Variants in ANKRD26 observed in about 807,000 individuals in gnomAD.
ANKRD26 encodes ankyrin repeat domain 26.
A neutral mutation model predicts 208.7 loss-of-function variants in ANKRD26; 141 were observed. The ratio of observed to expected loss-of-function variants is 0.68; its 90% CI spans 0.59 to 0.78. ANKRD26 has a LOEUF of 0.78. ANKRD26 is among the 30% of genes least tolerant of loss of function. ANKRD26 has a pLI of 0.00. For synonymous variants in ANKRD26, 636 were observed against 660.4 expected, an observed-to-expected ratio of 0.96 and a Z score of 0.57; for missense variants, 1,889 against 1,938.7, an observed-to-expected ratio of 0.97 and a Z score of 0.48.
chr10:27,032,840 G>A (rs963278342), intron 25 of ANKRD26, among the ~76,000 whole-genome samples: 2 of 149,494 alleles, frequency 1.3e-5, no homozygotes, highest in African/African-American at 4.9e-5. Context: ...AAATAAAGAA[G>A]CAAGTGTATT....
chr10:26,959,896 T>C, the ANKRD26 span, among the ~76,000 whole-genome samples: 1 of 152,194 alleles, frequency 6.6e-6, no homozygotes, highest in Admixed American at 6.5e-5. Flanking sequence ...TTGATGCGTA[T>C]ATGTTTTATG....
intron 7 of ANKRD26, among the ~76,000 whole-genome samples, chr10:27,078,577 T>A (rs1156682920): frequency 3.9e-5 from 6 of 152,194 alleles, no homozygotes; most frequent in Non-Finnish European, 7.4e-5. Context: ...ATATCCCTGA[T>A]AATACTGATT....
At chr10:26,980,556 C>T (rs969459375) in intron 5 of ANKRD26, among the ~76,000 whole-genome samples, 2 of 152,164 alleles carry the variant, frequency 1.3e-5, no homozygotes, top group African/African-American at 4.8e-5. Context: ...TTTGAAAGAC[C>T]ATCACTGGGG....
intron 11 of ANKRD26, among the ~76,000 whole-genome samples, chr10:27,065,153 C>T (rs1488647694): frequency 2.0e-5 from 3 of 152,122 alleles, no homozygotes; most frequent in African/African-American, 4.8e-5. Flanking sequence ...AATTTCACTC[C>T]CATTTTGATC....
intron 9 of ANKRD26, among the ~76,000 whole-genome samples, chr10:27,076,557 G>A (rs1208392381): frequency 6.6e-6 from 1 of 152,008 alleles, no homozygotes; most frequent in Non-Finnish European, 1.5e-5. Context: ...GAGCCACCGT[G>A]CCCAGTAGCT....
intron 5 of ANKRD26, among the ~76,000 whole-genome samples, chr10:26,993,647 C>G (rs748008065): frequency 6.6e-6 from 1 of 152,156 alleles, no homozygotes; most frequent in Non-Finnish European, 1.5e-5. Flanking sequence ...TCCCATGTGC[C>G]TTGCTCTTAA....
intron 9 of ANKRD26, among the ~76,000 whole-genome samples, chr10:27,076,369 T>C (rs1352704111): frequency 1.3e-5 from 2 of 151,810 alleles, no homozygotes; most frequent in East Asian, 3.9e-4. Flanking sequence ...TTCAAGTGAT[T>C]CTCCTGCCTC....
intron 15 of ANKRD26, among the ~76,000 whole-genome samples, chr10:27,055,877 G>A (rs1051646458): frequency 6.6e-6 from 1 of 152,132 alleles, no homozygotes; most frequent in African/African-American, 2.4e-5. Context: ...ACTAACACTT[G>A]TGAATTCAGA....
chr10:26,977,925 A>G (rs7082691), intron 5 of ANKRD26, among the ~76,000 whole-genome samples: 11,682 of 152,190 alleles, frequency 0.077, 1,443 homozygotes, highest in African/African-American at 0.26. Context: ...ACCAAAAACA[A>G]AACAAAACAA....
intron 1 of ANKRD26, 56 bp from the exon 2 acceptor site, chr10:27,093,855 A>T: frequency 7.7e-7 from 1 of 1,293,258 alleles, no homozygotes; most frequent in South Asian, 1.2e-5. Flanking sequence ...AAAACATACA[A>T]TGGTTCATAA....
intron 9 of ANKRD26, among the ~76,000 whole-genome samples, chr10:27,070,581 T>C (rs1352217657): frequency 6.6e-6 from 1 of 152,156 alleles, no homozygotes; most frequent in Non-Finnish European, 1.5e-5. Context: ...CAACTATGAA[T>C]ACTAAAGTTA....
At chr10:26,990,557 C>G, downstream of ANKRD26, among the ~76,000 whole-genome samples, 1 of 152,108 alleles carries the variant, frequency 6.6e-6, no homozygotes, top group South Asian at 2.1e-4. Context: ...TATGCACCTA[C>G]AAGCTGAGAA....
At position 27,017,666 on chromosome 10, in the gene ANKRD26, G is replaced by A; in HGVS notation, c.4342C>T (p.Gln1448Ter). Reference protein sequence around the residue: ...KTVQKKCEKLQKNKKKLEQEV... With the variant: ...KTVQKKCEKL ...TGTTCCAACTTCTTTTTATTCTTCT[G>A]TAGTTTTTCACATTTCTTTTGTACT... Residue 1448 changes from glutamine (Q) to a stop codon, truncating the protein, a stop_gained, in exon 30 of 34, where the codon CAG becomes TAG. Coordinates refer to ENST00000376087, the MANE Select transcript of ANKRD26 (RefSeq NM_014915.3). LOFTEE classifies it high-confidence loss of function. 1 of 1,613,326 alleles carries A rather than the reference G, an allele frequency of 6.2e-7. No homozygotes were observed. The highest frequency in any genetic ancestry group is 2.2e-5 in the East Asian group (1 of 44,770).
At chr10:26,991,059 G>GT (rs898078329), downstream of ANKRD26, among the ~76,000 whole-genome samples, 6 of 151,902 alleles carry the variant, frequency 3.9e-5, no homozygotes, top group Admixed American at 6.6e-5. Context: ...AAAGGAGTTT[G>GT]TTTTTTTATA....
intron 4 of ANKRD26, among the ~76,000 whole-genome samples, chr10:27,090,630 G>C (rs2056270204): frequency 2.0e-5 from 3 of 152,022 alleles, no homozygotes; most frequent in Admixed American, 2.0e-4. Flanking sequence ...TGTCTCACTG[G>C]GGTATTACAT....
intron 3 of ANKRD26, among the ~76,000 whole-genome samples, chr10:26,984,051 C>T (rs2052348434): frequency 6.6e-6 from 1 of 151,758 alleles, no homozygotes; most frequent in Non-Finnish European, 1.5e-5. Context: ...CAGCAGACGG[C>T]AGTGGCAAGA....
At chr10:27,080,910 G>A (rs1259152589) in intron 6 of ANKRD26, 2 of 985,316 alleles carry the variant, frequency 2.0e-6, no homozygotes, top group East Asian at 2.3e-4. Flanking sequence ...ACATGTCCAT[G>A]AGAAGGACAT....
At position 27,017,512 on chromosome 10, in the gene ANKRD26, A is replaced by G; in HGVS notation, c.4496T>C (p.Leu1499Pro). 2.5e-6 allele frequency: 4 copies of G among 1,613,466 alleles called. No individual in the cohort carries two copies. Among genetic ancestry groups the G allele is most frequent in the Non-Finnish European group, 3.4e-6 (4 of 1,179,782 alleles). ...TACACATAAGCTAACCTGTAAAAAT[A>G]GATTGACTTCTTTTAATTTTTCTGC... Reference protein sequence around the residue: ...EIAEKLKEVNLFLQAQAASQE... With the variant: ...EIAEKLKEVNPFLQAQAASQE... The change falls in exon 30 of 34, where the codon CTA (leucine) becomes CCA (proline). Residue 1499 changes from leucine to proline, a missense_variant. By Grantham distance (98) the Leu-to-Pro change is moderately conservative. This residue lies in a region of ANKRD26 where 613 missense variants were observed against 648.2 expected (regional missense o/e 0.95). Coordinates refer to ENST00000376087, the MANE Select transcript of ANKRD26 (RefSeq NM_014915.3).
At position 27,038,002 on chromosome 10, in the gene ANKRD26, C is replaced by T. The variant is rs1179814530; in HGVS notation, c.2428G>A (p.Glu810Lys). 3.1e-6 allele frequency: 5 copies of T among 1,612,234 alleles called. No individual in the cohort carries two copies. The Admixed American group carries it at 8.3e-5, about 27-fold the overall frequency. The change falls in exon 22 of 34, where the codon GAA becomes AAA. Residue 810 changes from glutamate (E) to lysine (K), a missense_variant. Coordinates refer to ENST00000376087, the MANE Select transcript of ANKRD26 (RefSeq NM_014915.3). ...CTTCTTAACTGTTCCCTAATTTTTT[C>T]ATACAACGTATCAGCATTTCTTCTC... Reference protein sequence around the residue: ...EKRRNADTLYEKIREQLRRKE... With the variant: ...EKRRNADTLYKKIREQLRRKE...
Sources: allele counts gnomAD v4.1 joint callset (sites outside exome capture counted in the v4.1 genomes callset), GRCh38; gene constraint gnomAD v4.1.1; regional missense constraint gnomAD v4.1.1; transcripts MANE v1.5; gene names NCBI Gene and HGNC (gene_info 2026-07-23, HGNC 2026-07-21).